Variants in CNTNAP2 observed in about 807,000 individuals in gnomAD.
The protein encoded by CNTNAP2 is contactin associated protein 2, also known as contactin-associated protein-like 2.
A neutral mutation model predicts 155.2 loss-of-function variants in CNTNAP2; 98 were observed. That is an observed-to-expected ratio of 0.63 (90% CI 0.54 to 0.75). CNTNAP2 has a LOEUF of 0.75. CNTNAP2 is among the 30% of genes least tolerant of loss of function. The pLI is 0.00. For missense variants in CNTNAP2, 1,727 were observed against 1,688.1 expected (o/e 1.02, Z -0.40); for synonymous variants, 651 against 631.2 (o/e 1.03, Z -0.47).
At chr7:146,964,277 T>C (rs1169516006) in intron 3 of CNTNAP2, among the ~76,000 whole-genome samples, 1 of 152,180 alleles carries the variant, frequency 6.6e-6, no homozygotes, top group Non-Finnish European at 1.5e-5. Flanking sequence ...TACAAAAACA[T>C]GCAAAATTTC....
At chr7:147,503,088 G>A (rs1163926866) in intron 11 of CNTNAP2, among the ~76,000 whole-genome samples, 1 of 152,140 alleles carries the variant, frequency 6.6e-6, no homozygotes, top group East Asian at 1.9e-4. Flanking sequence ...TTCTCTCACA[G>A]ATTTGCAGTT....
intron 1 of CNTNAP2, among the ~76,000 whole-genome samples, chr7:146,680,894 CAT>C (rs1297640198): frequency 6.6e-6 from 1 of 152,100 alleles, no homozygotes; most frequent in East Asian, 1.9e-4. Context: ...TCTGATAGAA[CAT>C]GTGTGAAGGT....
chr7:146,803,822 C>A (rs757728715), intron 2 of CNTNAP2, among the ~76,000 whole-genome samples: 1 of 152,108 alleles, frequency 6.6e-6, no homozygotes, highest in South Asian at 2.1e-4. Context: ...GTTTTATGTG[C>A]GCTGCATATT....
chr7:146,853,176 T>C (rs920751178), intron 3 of CNTNAP2, among the ~76,000 whole-genome samples: 4 of 152,226 alleles, frequency 2.6e-5, no homozygotes, highest in African/African-American at 9.6e-5. Flanking sequence ...TTTCACATGA[T>C]ATGTTAAATA....
chr7:147,329,457 G>A (rs12113127), intron 9 of CNTNAP2, among the ~76,000 whole-genome samples: 28,835 of 151,960 alleles, frequency 0.19, 2,974 homozygotes, highest in East Asian at 0.36. Flanking sequence ...AATGGTAGAA[G>A]TTGTCTCCAA....
At chr7:148,168,375 C>T (rs6949012) in intron 17 of CNTNAP2, among the ~76,000 whole-genome samples, 2,217 of 152,080 alleles carry the variant, frequency 0.015, 56 homozygotes, top group African/African-American at 0.051. Context: ...TGGAATACTA[C>T]GCAGCCATAA....
chr7:147,428,946 T>G (rs1797424809), intron 10 of CNTNAP2, among the ~76,000 whole-genome samples: 1 of 152,096 alleles, frequency 6.6e-6, no homozygotes, highest in South Asian at 2.1e-4. Context: ...TCTTTCCCGA[T>G]TCTCCAAAGC....
At chr7:148,316,554 C>G (rs181899204) in intron 21 of CNTNAP2, among the ~76,000 whole-genome samples, 1 of 152,226 alleles carries the variant, frequency 6.6e-6, no homozygotes, top group African/African-American at 2.4e-5. Flanking sequence ...AAATAATACC[C>G]GCACAGGCCT....
At chr7:147,225,890 G>GGAAGGAAGGAAA (rs1803525559) in intron 8 of CNTNAP2, among the ~76,000 whole-genome samples, 4 of 109,726 alleles carry the variant, frequency 3.6e-5, no homozygotes, top group Admixed American at 1.8e-4. Context: ...AAGGAAGGAA[G>GGAAGGAAGGAAA]GAAGGAAGGA....
intron 13 of CNTNAP2, among the ~76,000 whole-genome samples, chr7:147,872,115 G>A (rs922990548): frequency 7.2e-5 from 11 of 152,166 alleles, no homozygotes; most frequent in Admixed American, 7.2e-4. Context: ...TGGAGAAAGA[G>A]AAACCTGCCC....
At chr7:147,709,480 T>G (rs1198555407) in intron 13 of CNTNAP2, among the ~76,000 whole-genome samples, 3 of 152,294 alleles carry the variant, frequency 2.0e-5, no homozygotes, top group South Asian at 2.1e-4. Flanking sequence ...TGCTGATACA[T>G]GAAGTCTCAA....
At chr7:146,802,033 T>A (rs6948484) in intron 2 of CNTNAP2, among the ~76,000 whole-genome samples, 8,523 of 152,256 alleles carry the variant, frequency 0.056, 702 homozygotes, top group African/African-American at 0.18. Context: ...ATAGAATTGT[T>A]GTGTTGAATG....
intron 1 of CNTNAP2, among the ~76,000 whole-genome samples, chr7:146,436,909 T>C (rs1724492): frequency 0.037 from 5,611 of 151,556 alleles, 590 homozygotes; most frequent in African/African-American, 0.13. Context: ...ATTGTTAACA[T>C]TTGTTGACAT....
intron 13 of CNTNAP2, among the ~76,000 whole-genome samples, chr7:147,850,514 C>T (rs1271320064): frequency 6.6e-6 from 1 of 152,158 alleles, no homozygotes; most frequent in Admixed American, 6.5e-5. Flanking sequence ...TGACTTCAAA[C>T]CATACTACAC....
At chr7:147,152,078 G>T (rs994816328) in intron 8 of CNTNAP2, among the ~76,000 whole-genome samples, 2 of 152,082 alleles carry the variant, frequency 1.3e-5, no homozygotes, top group Non-Finnish European at 2.9e-5. Context: ...TTTTGAATTT[G>T]ATAATTACAG....
At chr7:147,117,190 G>A (rs1336064863) in intron 5 of CNTNAP2, among the ~76,000 whole-genome samples, 2 of 152,142 alleles carry the variant, frequency 1.3e-5, no homozygotes, top group African/African-American at 4.8e-5. Flanking sequence ...ATCCCAGGGT[G>A]GAGTTTGTAA....
At chr7:148,228,834 A>AAAAC (rs1795906766) in intron 19 of CNTNAP2, among the ~76,000 whole-genome samples, 2 of 146,176 alleles carry the variant, frequency 1.4e-5, no homozygotes, top group African/African-American at 5.5e-5. Flanking sequence ...TTTCAAAAAA[A>AAAAC]AAAAAAAAAC....
At chr7:147,194,849 A>G (rs1434610327) in intron 8 of CNTNAP2, among the ~76,000 whole-genome samples, 7 of 151,772 alleles carry the variant, frequency 4.6e-5, no homozygotes, top group Admixed American at 4.6e-4. Flanking sequence ...GATTGCAAAA[A>G]TTTTCTCCCG....
chr7:147,409,244 A>C lies in CNTNAP2; in HGVS notation c.1670+13464A>C, dbSNP rs1221443849. ...AGAGGCAGAATTGAGATAGAAGTGC[A>C]GGTACACTTAGAACGATCTGATCTT... On this transcript the variant is annotated intron_variant, in intron 10 of 23. Coordinates refer to ENST00000361727, the MANE Select transcript of CNTNAP2 (RefSeq NM_014141.6). Among the ~76,000 whole-genome samples the C allele has an allele frequency of 1.8e-4, 28 of 152,162 alleles. 1 individual carries two copies. Among genetic ancestry groups the C allele is most frequent in the Admixed American group, 1.8e-3 (28 of 15,280 alleles).
Sources: allele counts gnomAD v4.1 joint callset (sites outside exome capture counted in the v4.1 genomes callset), GRCh38; gene constraint gnomAD v4.1.1; transcripts MANE v1.5; gene names NCBI Gene and HGNC (gene_info 2026-07-23, HGNC 2026-07-21).